Variants in CYFIP1 observed in about 807,000 individuals in gnomAD.
The protein encoded by CYFIP1 is cytoplasmic FMR1 interacting protein 1.
In CYFIP1, 58 loss-of-function variants were observed where a neutral mutation model predicts 163.5. The ratio of observed to expected loss-of-function variants is 0.35; its 90% CI spans 0.29 to 0.44. CYFIP1 has a LOEUF of 0.44. CYFIP1 is among the 20% of genes least tolerant of loss of function. The pLI is 1.00. For synonymous variants in CYFIP1, 663 were observed against 660.7 expected, an observed-to-expected ratio of 1.00 and a Z score of -0.05; for missense variants, 1,338 against 1,653.8, an observed-to-expected ratio of 0.81 and a Z score of 3.31.
rs1439972861 is a variant in CYFIP1, at chr15:22,943,244, G to A, written c.498C>T (p.Asn166=). 19 of 1,614,254 alleles carry A rather than the reference G, an allele frequency of 1.2e-5. No homozygotes were observed. The highest frequency in any genetic ancestry group is 1.4e-5 in the Non-Finnish European group (17 of 1,180,044). Residue 166 remains asparagine (N), a synonymous_variant, in exon 6 of 31, where the codon AAC becomes AAT. Transcript: ENST00000617928. ...AYLITLGKFI[N]MFAVLDELKN... ...TCAGCTCGTCCAGCACAGCGAACAT[G>A]TTGATGAATTTGCCCAGTGTGATCA...
At chr15:22,938,948 A>G (rs1412717955) in intron 8 of CYFIP1, among the ~76,000 whole-genome samples, 1 of 120,648 alleles carries the variant, frequency 8.3e-6, no homozygotes, top group Non-Finnish European at 1.7e-5. Flanking sequence ...AAAAAAAAAA[A>G]GCTGAGAATC....
In CYFIP1 at chr15:22,916,450, CG is replaced by C. The variant is rs754102946; in HGVS notation, c.1828+26del. The C allele has an allele frequency of 2.6e-6, 4 of 1,525,244 alleles. No individual in the cohort carries two copies. In the African/African-American group the frequency reaches 5.5e-5, roughly 21 times the overall value. 94.5% of individuals were successfully genotyped at this position (1,525,244 alleles called of 1,614,324 possible). A position where few individuals can be genotyped will look rare whatever the true frequency, so the allele number is the denominator to read the frequency against. On this transcript the variant is annotated intron_variant, in intron 16 of 30. Coordinates refer to ENST00000617928, the MANE Select transcript of CYFIP1 (RefSeq NM_014608.6). ...TTAGTGGTGTTAGGACATGCCAGGC[CG>C]GATGCTGCTCAGCAGTATCTCTTAC...
intron 1 of CYFIP1, among the ~76,000 whole-genome samples, chr15:22,956,669 C>G (rs1187336783): frequency 6.6e-6 from 1 of 152,020 alleles, no homozygotes; most frequent in Non-Finnish European, 1.5e-5. Context: ...AGGGTGGGGG[C>G]TGGTAAAGGG....
Position 22,909,311 on chromosome 15 carries a change from G to C in CYFIP1, c.2271C>G (p.Leu757=), listed in dbSNP as rs150279941. 3.7e-6 allele frequency: 6 copies of C among 1,613,980 alleles called. No individual in the cohort carries two copies. In the African/African-American group the frequency reaches 5.3e-5, roughly 14 times the overall value. ...ETLLKQRHVQ[L]LGRSIDLNRL... ...GATTGAGGTCTATTGATCTGCCGAG[G>C]AGCTGGCGTACACAGGGAAGGATGG... The change falls in exon 21 of 31, where the codon CTC becomes CTG. Residue 757 remains leucine (L), a splice_region_variant and synonymous_variant. Coordinates refer to ENST00000617928, the MANE Select transcript of CYFIP1 (RefSeq NM_014608.6).
intron 1 of CYFIP1, among the ~76,000 whole-genome samples, chr15:22,977,176 G>A (rs1187312508): frequency 6.6e-6 from 1 of 151,770 alleles, no homozygotes; most frequent in African/African-American, 2.4e-5. Context: ...TCTAGCCTGG[G>A]CAACAAGAAT....
At chr15:22,885,535 A>G (rs540574525) in intron 23 of CYFIP1, among the ~76,000 whole-genome samples, 1 of 152,314 alleles carries the variant, frequency 6.6e-6, no homozygotes, top group Admixed American at 6.5e-5. Context: ...GTTTGAGAAC[A>G]GCCTGGCCAA....
chr15:22,976,743 C>G (rs924814421), intron 1 of CYFIP1, among the ~76,000 whole-genome samples: 2 of 152,034 alleles, frequency 1.3e-5, no homozygotes, highest in African/African-American at 4.8e-5. Context: ...GGAAAAAAAC[C>G]ACAGTACACG....
intron 21 of CYFIP1, 62 bp downstream of exon 21, chr15:22,909,132 T>C: frequency 6.3e-7 from 1 of 1,597,432 alleles, no homozygotes; most frequent in Admixed American, 1.7e-5. Context: ...TTTTATCATC[T>C]ATACAAGAAC....
At chr15:22,944,715 C>A in intron 4 of CYFIP1, 56 bp from the exon 5 acceptor site, 2 of 1,543,686 alleles carry the variant, frequency 1.3e-6, no homozygotes, top group Non-Finnish European at 9.0e-7. Context: ...CAGAAGCAGC[C>A]GCTGGGCTTC....
intron 26 of CYFIP1, among the ~76,000 whole-genome samples, chr15:22,876,846 A>G (rs915804005): frequency 3.3e-5 from 5 of 152,074 alleles, no homozygotes; most frequent in African/African-American, 9.7e-5. Context: ...AAAAAAAGAA[A>G]TGATGTAAAG....
chr15:22,867,463 CT>C lies in CYFIP1; in HGVS notation c.*2564del. The C allele has an allele frequency of 3.0e-6, 1 of 338,548 alleles. No individual in the cohort carries two copies. Among genetic ancestry groups the C allele is most frequent in the Non-Finnish European group, 5.3e-6 (1 of 189,756 alleles). The allele number at this position is 338,548 out of a possible 1,614,324, so 21.0% of individuals were successfully genotyped here. ...ATGATCACCGTGAATCCGGCTTCCT[CT>C]GAGCATTCGATGGCCTTAGCACCTC... On this transcript the variant is annotated 3_prime_UTR_variant, in exon 31 of 31. Coordinates refer to ENST00000617928, the MANE Select transcript of CYFIP1 (RefSeq NM_014608.6).
intron 22 of CYFIP1, among the ~76,000 whole-genome samples, chr15:22,894,933 G>GTAAGCT (rs2141966865): frequency 7.0e-6 from 1 of 142,600 alleles, no homozygotes; most frequent in African/African-American, 2.6e-5. Flanking sequence ...TTGACTAACT[G>GTAAGCT]CAGCCTCAAC....
chr15:22,870,132 T>C lies in CYFIP1; in HGVS notation c.3658A>G (p.Thr1220Ala), dbSNP rs771581093. The C allele has an allele frequency of 5.7e-5, 92 of 1,612,996 alleles. 2 individuals carry two copies. The South Asian group carries it at 9.1e-4, about 16-fold the overall frequency. Residue 1220 changes from threonine (T) to alanine (A), a missense_variant, in exon 31 of 31, where the codon ACC (threonine) becomes GCC (alanine). Physicochemically the swap from Thr to Ala is moderately conservative, Grantham distance 58 (BLOSUM62 0). Around this residue, in one of 4 missense-constraint regions of CYFIP1, gnomAD observed 306 missense variants for 322.1 expected, o/e 0.95. Transcript: ENST00000617928. ...KFQILNDEII[T>A]ILDKYLKSGD... ...GACTTCAGGTACTTATCCAGGATGGTGATGATCTCATCATTGAGAATCTGG... is the reference window on the plus strand; with the variant it reads ...GACTTCAGGTACTTATCCAGGATGGCGATGATCTCATCATTGAGAATCTGG...
chr15:22,909,293 G>T lies in CYFIP1; in HGVS notation c.2289C>A (p.Asp763Glu), dbSNP rs2060700660. The T allele has an allele frequency of 6.2e-7, 1 of 1,613,990 alleles. No individual in the cohort carries two copies. Among genetic ancestry groups the T allele is most frequent in the Non-Finnish European group, 8.5e-7 (1 of 1,179,992 alleles). Residue 763 changes from aspartate (D) to glutamate (E), a missense_variant, in exon 21 of 31, where the codon GAC becomes GAA. Asp to Glu is a conservative substitution (Grantham distance 45). Coordinates refer to ENST00000617928, the MANE Select transcript of CYFIP1 (RefSeq NM_014608.6). ...CGCGCTGGGTGATCAGACGATTGAG[G>T]TCTATTGATCTGCCGAGGAGCTGGC... ...RHVQLLGRSI[D>E]LNRLITQRVS... is the part of the protein sequence containing the mutation.
At chr15:22,903,614 G>A in intron 22 of CYFIP1, 92 bp downstream of exon 22, 2 of 1,326,844 alleles carry the variant, frequency 1.5e-6, no homozygotes, top group Non-Finnish European at 2.1e-6. Flanking sequence ...CAAGAGCAGG[G>A]AGACAGGGAC....
At chr15:22,903,679 G>A (rs763557724) in intron 22 of CYFIP1, 27 bp downstream of exon 22, 4 of 1,612,372 alleles carry the variant, frequency 2.5e-6, no homozygotes, top group South Asian at 1.1e-5. Context: ...CCTCGCCTGT[G>A]GGCGCCTGTG....
At position 22,947,880 on chromosome 15, in the gene CYFIP1, A is replaced by G. The variant is rs528113496; in HGVS notation, c.-6-589T>C. On this transcript the variant is annotated intron_variant, in intron 1 of 30. Transcript: ENST00000617928. ...CACACCGCAGCTGGAGCAGAGGTGC[A>G]GAAATGAAGGCAGACATCGTCTAAA... The G allele has an allele frequency of 5.2e-5, 49 of 943,314 alleles. No individual in the cohort carries two copies. The African/African-American group carries it at 8.2e-4, about 16-fold the overall frequency. The allele number at this position is 943,314 out of a possible 1,614,324, so 58.4% of individuals were successfully genotyped here.
intron 1 of CYFIP1, among the ~76,000 whole-genome samples, chr15:22,949,328 G>C (rs2062170477): frequency 1.3e-5 from 2 of 151,964 alleles, no homozygotes; most frequent in Non-Finnish European, 2.9e-5. Context: ...GCCTAAAGCG[G>C]GGAGGTGCCA....
In CYFIP1 at chr15:22,951,287, A is replaced by C. The variant is rs951832170; in HGVS notation, c.-6-3996T>G. ...GTCACTGCTGCATGTTCCTCACTAG[A>C]AATCTACATGTAGCAGAAACTCTCG... On this transcript the variant is annotated intron_variant, in intron 1 of 30. Transcript: ENST00000617928. 10 of 1,110,414 alleles carry C rather than the reference A, an allele frequency of 9.0e-6. No individual in the cohort carries two copies. In the African/African-American group the frequency reaches 1.5e-4, roughly 17 times the overall value. The allele number at this position is 1,110,414 out of a possible 1,614,324, so 68.8% of individuals were successfully genotyped here.
Sources: gnomAD v4.1 joint callset for allele counts (sites outside exome capture counted in the v4.1 genomes callset) on GRCh38, gnomAD v4.1.1 for gene constraint, gnomAD v4.1.1 regional missense constraint, MANE v1.5 for transcripts, NCBI Gene and HGNC (gene_info 2026-07-23, HGNC 2026-07-21) for gene names.